GALNTL6: variants seen among roughly 807,000 people sequenced by gnomAD.
GALNTL6 encodes the protein polypeptide N-acetylgalactosaminyltransferase-like 6.
In GALNTL6, 46 loss-of-function variants were observed where a neutral mutation model predicts 73.7. The observed-to-expected ratio is 0.62, with a 90% CI of 0.49 to 0.80. The LOEUF is 0.80. Among genes scored for constraint, GALNTL6 ranks in the 30% least tolerant of loss-of-function variants. GALNTL6 has a pLI of 0.00. For missense variants in GALNTL6, 604 were observed against 755.0 expected (o/e 0.80, Z 2.34); for synonymous variants, 259 against 263.7 (o/e 0.98, Z 0.17).
At chr4:172,986,679 A>G (rs1191963481) in intron 10 of GALNTL6, among the ~76,000 whole-genome samples, 2 of 152,234 alleles carry the variant, frequency 1.3e-5, no homozygotes, top group Non-Finnish European at 2.9e-5. Context: ...CTATGCTCCT[A>G]TAAGTGATGA....
At chr4:172,569,825 C>G (rs944230092) in intron 5 of GALNTL6, among the ~76,000 whole-genome samples, 1 of 152,088 alleles carries the variant, frequency 6.6e-6, no homozygotes, top group African/African-American at 2.4e-5. Context: ...AATGTGATGA[C>G]CCTCAGCACA....
intron 5 of GALNTL6, among the ~76,000 whole-genome samples, chr4:172,590,544 C>T (rs1737595438): frequency 6.6e-6 from 1 of 152,130 alleles, no homozygotes; most frequent in Non-Finnish European, 1.5e-5. Context: ...AATAAACCTC[C>T]CCCTCAATTT....
At chr4:172,337,179 C>T (rs1741363838) in intron 4 of GALNTL6, among the ~76,000 whole-genome samples, 2 of 151,968 alleles carry the variant, frequency 1.3e-5, no homozygotes, top group Non-Finnish European at 2.9e-5. Flanking sequence ...TAAGATGGTT[C>T]TCTTGAAGAC....
intron 10 of GALNTL6, among the ~76,000 whole-genome samples, chr4:172,979,252 G>A (rs1750972337): frequency 6.6e-6 from 1 of 152,168 alleles, no homozygotes; most frequent in African/African-American, 2.4e-5. Context: ...ATTGATAATG[G>A]AAACTTAAAG....
At chr4:172,028,143 T>A (rs1741648896) in intron 2 of GALNTL6, among the ~76,000 whole-genome samples, 2 of 151,986 alleles carry the variant, frequency 1.3e-5, no homozygotes, top group Non-Finnish European at 2.9e-5. Flanking sequence ...CAAGGAGAAT[T>A]TCATAGCTAG....
At chr4:172,426,207 A>T (rs1447782201) in intron 5 of GALNTL6, among the ~76,000 whole-genome samples, 1 of 152,164 alleles carries the variant, frequency 6.6e-6, no homozygotes, top group Non-Finnish European at 1.5e-5. Context: ...AGTATCTTGT[A>T]CATAGTGGCT....
chr4:172,428,176 A>G (rs774278334), intron 5 of GALNTL6, among the ~76,000 whole-genome samples: 51 of 152,166 alleles, frequency 3.4e-4, no homozygotes, highest in Admixed American at 7.2e-4. Flanking sequence ...TGAAATATTA[A>G]AATATAAAAA....
rs2111280212 is a variant in GALNTL6, at chr4:172,380,134, A to G, written c.553+31445A>G. On this transcript the variant is annotated intron_variant, in intron 5 of 12. Transcript: ENST00000506823. Reference sequence around the variant, plus strand: ...CCTCTGCATCATTTGCTAATGGATCATCTGGATTTGGAGCACTTAACAAGG... The same window carrying G: ...CCTCTGCATCATTTGCTAATGGATCGTCTGGATTTGGAGCACTTAACAAGG... The G allele has an allele frequency of 1.9e-6, 2 of 1,037,128 alleles. 1 individual carries two copies. The highest frequency in any genetic ancestry group is 2.5e-5 in the South Asian group (2 of 79,430). 64.2% of individuals were successfully genotyped at this position (1,037,128 alleles called of 1,614,324 possible). A position where few individuals can be genotyped will look rare whatever the true frequency, so the allele number is the denominator to read the frequency against.
At chr4:172,402,435 A>G (rs545157281) in intron 5 of GALNTL6, among the ~76,000 whole-genome samples, 1 of 152,232 alleles carries the variant, frequency 6.6e-6, no homozygotes, top group African/African-American at 2.4e-5. Context: ...AATTTCTACT[A>G]TTGAAATACA....
intron 8 of GALNTL6, among the ~76,000 whole-genome samples, chr4:172,904,240 A>G (rs556894899): frequency 3.3e-5 from 5 of 152,218 alleles, no homozygotes; most frequent in Admixed American, 6.5e-5. Flanking sequence ...AGGTGTATTC[A>G]GTGTAGCCTA....
intron 5 of GALNTL6, among the ~76,000 whole-genome samples, chr4:172,513,212 T>C (rs909607212): frequency 6.6e-6 from 1 of 152,228 alleles, no homozygotes; most frequent in Non-Finnish European, 1.5e-5. Flanking sequence ...CTTCAAGCTC[T>C]GAAGTTCTTT....
chr4:172,957,010 T>C (rs1441996157), intron 10 of GALNTL6, among the ~76,000 whole-genome samples: 2 of 152,172 alleles, frequency 1.3e-5, no homozygotes, highest in Non-Finnish European at 2.9e-5. Flanking sequence ...ATGACCGTGG[T>C]GGCCTTCTTA....
intron 5 of GALNTL6, among the ~76,000 whole-genome samples, chr4:172,537,465 G>C (rs977490266): frequency 2.8e-4 from 43 of 152,188 alleles, no homozygotes; most frequent in African/African-American, 1.0e-3. Flanking sequence ...CTGCCACCAG[G>C]TAACATGTGC....
At chr4:172,190,097 A>G (rs1489490614) in intron 2 of GALNTL6, among the ~76,000 whole-genome samples, 1 of 152,202 alleles carries the variant, frequency 6.6e-6, no homozygotes, top group African/African-American at 2.4e-5. Context: ...AAAAGAATAC[A>G]AGTAAGAAAA....
At chr4:172,556,565 T>G (rs1736149320) in intron 5 of GALNTL6, among the ~76,000 whole-genome samples, 1 of 152,046 alleles carries the variant, frequency 6.6e-6, no homozygotes, top group African/African-American at 2.4e-5. Flanking sequence ...TTTTCTTAAA[T>G]TCAAATGTAA....
At chr4:171,962,259 A>G (rs1739242466) in intron 2 of GALNTL6, among the ~76,000 whole-genome samples, 1 of 152,200 alleles carries the variant, frequency 6.6e-6, no homozygotes, top group Non-Finnish European at 1.5e-5. Flanking sequence ...GATCAACTCC[A>G]TCTTGAATAA....
At chr4:172,903,181 C>T (rs1284943460) in intron 8 of GALNTL6, among the ~76,000 whole-genome samples, 1 of 151,760 alleles carries the variant, frequency 6.6e-6, no homozygotes, top group Non-Finnish European at 1.5e-5. Context: ...AACCATGAAA[C>T]TTTCTATAAG....
chr4:172,090,970 G>T (rs1045904367), intron 2 of GALNTL6, among the ~76,000 whole-genome samples: 3 of 152,110 alleles, frequency 2.0e-5, no homozygotes, highest in Admixed American at 6.6e-5. Context: ...GCCATTGCTT[G>T]TGTGTGTCAG....
chr4:172,004,480 A>T (rs1232914229), intron 2 of GALNTL6, among the ~76,000 whole-genome samples: 2 of 151,996 alleles, frequency 1.3e-5, no homozygotes, highest in Non-Finnish European at 2.9e-5. Flanking sequence ...AAATTCTATC[A>T]CCATCTACTT....
Sources: allele counts gnomAD v4.1 joint callset (sites outside exome capture counted in the v4.1 genomes callset), GRCh38; gene constraint gnomAD v4.1.1; transcripts MANE v1.5; gene names NCBI Gene and HGNC (gene_info 2026-07-23, HGNC 2026-07-21).